SAFB2: variants seen among roughly 807,000 people sequenced by gnomAD.
SAFB2 encodes scaffold attachment factor B2.
Under a neutral mutation model 100.6 loss-of-function variants are expected in SAFB2, and 32 were observed. The ratio of observed to expected loss-of-function variants is 0.32; its 90% CI spans 0.24 to 0.43. The LOEUF is 0.43. Ranked by LOEUF, SAFB2 falls within the 20% of genes least tolerant of loss-of-function variation. The probability of loss-of-function intolerance (pLI) is 1.00; values close to 1 mark genes in which losing one functional copy is unlikely to be tolerated. For synonymous variants in SAFB2, 500 were observed against 439.4 expected, an observed-to-expected ratio of 1.14 and a Z score of -1.72; for missense variants, 1,185 against 1,163.4, an observed-to-expected ratio of 1.02 and a Z score of -0.27.
chr19:5,595,163 A>C (rs1023826865), intron 14 of SAFB2, among the ~76,000 whole-genome samples, 198 bp downstream of exon 14: 1 of 152,080 alleles, frequency 6.6e-6, no homozygotes, highest in East Asian at 1.9e-4. Context: ...GATGACTTTC[A>C]TGCCACCTGG....
intron 2 of SAFB2, among the ~76,000 whole-genome samples, 157 bp from the exon 3 acceptor site, chr19:5,616,643 CTTTTTTTTTTTTT>C (rs60033130): frequency 1.2e-4 from 9 of 72,798 alleles, no homozygotes; most frequent in South Asian, 6.8e-4. Context: ...AATTTGTTTT[CTTTTTTTTTTTTT>C]TTTTTTTTTT....
intron 6 of SAFB2, chr19:5,611,958 G>A (rs1252074142): frequency 2.2e-6 from 1 of 454,956 alleles, no homozygotes; most frequent in Non-Finnish European, 4.0e-6. Context: ...CCAAGGTGCT[G>A]AACCGAATGC....
At chr19:5,615,420 T>G (rs1372095365) in intron 4 of SAFB2, among the ~76,000 whole-genome samples, 2 of 151,624 alleles carry the variant, frequency 1.3e-5, no homozygotes, top group Non-Finnish European at 2.9e-5. Context: ...TTAGAAACCA[T>G]TTTTGAGCTG....
intron 2 of SAFB2, among the ~76,000 whole-genome samples, chr19:5,619,022 G>T (rs1243196909): frequency 6.6e-6 from 1 of 152,194 alleles, no homozygotes; most frequent in Non-Finnish European, 1.5e-5. Context: ...TTCAGTTTTT[G>T]CAAGGAAGCA....
Position 5,621,300 on chromosome 19 carries a change from G to T in SAFB2, c.274+9C>A. The T allele has an allele frequency of 6.3e-7, 1 of 1,580,756 alleles. No individual in the cohort carries two copies. Among genetic ancestry groups the T allele is most frequent in the Non-Finnish European group, 8.7e-7 (1 of 1,149,568 alleles). On this transcript the variant is annotated intron_variant, in intron 2 of 20. Transcript: ENST00000252542. ...AACACTCAAGCCCCAAGCAGCATAT[G>T]TACAATACCTTTAACACATCTCTTG...
At position 5,604,717 on chromosome 19, in the gene SAFB2, T is replaced by C; in HGVS notation, c.1447-22A>G. On this transcript the variant is annotated intron_variant, in intron 10 of 20. Transcript: ENST00000252542. ...TGGCCTAAAATATAATAGACAGAAA[T>C]GATGTGTGGCCCAGAGCTTCTCACT... is the stretch of plus-strand genomic sequence containing the variant. 3 of 1,614,044 alleles carry C rather than the reference T, an allele frequency of 1.9e-6. No individual in the cohort carries two copies. The African/African-American group carries it at 4.0e-5, about 22-fold the overall frequency.
chr19:5,610,054 C>T lies in SAFB2; in HGVS notation c.1237G>A (p.Gly413Arg), dbSNP rs1372925806. 4 of 1,614,136 alleles carry T rather than the reference C, an allele frequency of 2.5e-6. No individual in the cohort carries two copies. Among genetic ancestry groups the T allele is most frequent in the Non-Finnish European group, 3.4e-6 (4 of 1,180,022 alleles). The change falls in exon 9 of 21, where the codon GGG becomes AGG. Residue 413 changes from glycine (G) to arginine (R), a missense_variant. Physicochemically the swap from Gly to Arg is moderately radical, Grantham distance 125 (BLOSUM62 -2). This residue lies in a region of SAFB2 where 94 missense variants were observed against 135.1 expected (regional missense o/e 0.70). Coordinates refer to ENST00000252542, the MANE Select transcript of SAFB2 (RefSeq NM_014649.3). ...GTAGCGCGTGTTGTGGAGGACAGCC[C>T]GCTGACCCACAGGTTCCGACCAGAA... ...SGSGRNLWVS[G>R]LSSTTRATDL...
chr19:5,587,789 C>T lies in SAFB2; in HGVS notation c.2639-22G>A. On this transcript the variant is annotated intron_variant, in intron 19 of 20. Coordinates refer to ENST00000252542, the MANE Select transcript of SAFB2 (RefSeq NM_014649.3). This position sits in a 1 kb window ranked among gnomAD's most constrained non-coding sequence, Gnocchi z 4.9. Reference sequence around the variant, plus strand: ...CCACCTAGAAGAGAAGAAGGGTCTGCAAACACTCCGTTCCTGGGGAAGCCC... The same window carrying T: ...CCACCTAGAAGAGAAGAAGGGTCTGTAAACACTCCGTTCCTGGGGAAGCCC... 1 of 1,554,188 alleles carries T rather than the reference C, an allele frequency of 6.4e-7. No homozygotes were observed. The highest frequency in any genetic ancestry group is 1.2e-5 in the South Asian group (1 of 84,468).
chr19:5,604,516 G>C (rs2052731051), intron 11 of SAFB2, 67 bp downstream of exon 11: 5 of 1,180,906 alleles, frequency 4.2e-6, no homozygotes, highest in Non-Finnish European at 5.0e-6. Context: ...TGTTTTTCAA[G>C]GCCCATGGTG....
chr19:5,611,016 C>T (rs568973574), intron 7 of SAFB2, 104 bp downstream of exon 7: 9 of 464,772 alleles, frequency 1.9e-5, no homozygotes, highest in East Asian at 1.6e-4. Context: ...ACTACAATTT[C>T]GTCAGTCTGG....
At chr19:5,588,034 C>A (rs565925983) in intron 18 of SAFB2, 54 bp from the exon 19 acceptor site, 11 of 1,501,652 alleles carry the variant, frequency 7.3e-6, no homozygotes, top group Non-Finnish European at 9.9e-6. Context: ...AGGGTTGTGT[C>A]GGCAGCAGGC....
intron 2 of SAFB2, 94 bp from the exon 3 acceptor site, chr19:5,616,580 A>C (rs2053036520): frequency 9.6e-7 from 1 of 1,040,802 alleles, no homozygotes; most frequent in Admixed American, 1.7e-5. Flanking sequence ...AACAGAACAC[A>C]TTACAAGATA....
chr19:5,620,768 G>A (rs1349749843), intron 2 of SAFB2, among the ~76,000 whole-genome samples: 1 of 152,194 alleles, frequency 6.6e-6, no homozygotes, highest in African/African-American at 2.4e-5. Context: ...AGAGCCTTGT[G>A]TATACACTAG....
chr19:5,613,565 G>A, intron 4 of SAFB2, 38 bp from the exon 5 acceptor site: 1 of 1,603,686 alleles, frequency 6.2e-7, no homozygotes, highest in Non-Finnish European at 8.5e-7. Context: ...GTGGAGGCTG[G>A]AGCTATGAAA....
At position 5,587,677 on chromosome 19, in the gene SAFB2, T is replaced by C. The variant is rs1221046327; in HGVS notation, c.2705+24A>G. 2.6e-6 allele frequency: 4 copies of C among 1,536,264 alleles called. No individual in the cohort carries two copies. Among genetic ancestry groups the C allele is most frequent in the Admixed American group, 4.1e-5 (2 of 48,456 alleles). On this transcript the variant is annotated intron_variant, in intron 20 of 20. Coordinates refer to ENST00000252542, the MANE Select transcript of SAFB2 (RefSeq NM_014649.3). This position sits in a 1 kb window ranked among gnomAD's most constrained non-coding sequence, Gnocchi z 4.9. ...AGTGAGGAGCAGGAGTGAACCACCG[T>C]CCTCCACGGACGACACACCTTACCC...
chr19:5,595,230 T>G (rs150103459), intron 14 of SAFB2, 131 bp downstream of exon 14: 19,943 of 1,261,178 alleles, frequency 0.016, 228 homozygotes, highest in Admixed American at 0.023. Context: ...GGACCCAGGT[T>G]AAGCACGACA....
chr19:5,600,415 A>G (rs757634188), intron 11 of SAFB2, among the ~76,000 whole-genome samples, 155 bp from the exon 12 acceptor site: 2 of 152,212 alleles, frequency 1.3e-5, no homozygotes, highest in African/African-American at 4.8e-5. Context: ...ACCCATAGTA[A>G]TAACAATACT....
In SAFB2 at chr19:5,612,562, A is replaced by G; in HGVS notation, c.612T>C (p.Ile204=). 1.9e-6 allele frequency: 3 copies of G among 1,613,358 alleles called. No homozygotes were observed. The highest frequency in any genetic ancestry group is 2.2e-5 in the South Asian group (2 of 91,054). ...SSLNFKVTPD[I]EESLLEPENE... is the part of the protein sequence containing the mutation. ...TACCTGGCTCCAAAAGGGATTCTTC[A>G]ATGTCCTATTTAAAAAAGAAAAAGC... is the stretch of plus-strand genomic sequence containing the variant. Residue 204 remains isoleucine (I), a synonymous_variant, in exon 6 of 21, where the codon ATT becomes ATC. Coordinates refer to ENST00000252542, the MANE Select transcript of SAFB2 (RefSeq NM_014649.3).
At chr19:5,593,700 G>A (rs1434774297) in intron 15 of SAFB2, 191 bp downstream of exon 15, 17 of 556,370 alleles carry the variant, frequency 3.1e-5, no homozygotes, top group Admixed American at 1.6e-4. Flanking sequence ...CACAGCCTCC[G>A]GTGAGGACAG....
Sources: gnomAD v4.1 joint callset for allele counts (sites outside exome capture counted in the v4.1 genomes callset) on GRCh38, gnomAD v4.1.1 for gene constraint, gnomAD v4.1.1 regional missense constraint, Gnocchi (gnomAD v3.1) non-coding constraint, MANE v1.5 for transcripts, NCBI Gene and HGNC (gene_info 2026-07-23, HGNC 2026-07-21) for gene names.